The following CHD9 variants were observed in gnomAD, a reference collection of about 807,000 sequenced individuals.
CHD9 encodes the protein chromodomain helicase DNA binding protein 9, also known as ATP-dependent chromatin remodeler CHD9.
CHD9 carries 77 observed loss-of-function variants against 316.1 expected under a neutral mutation model. That is an observed-to-expected ratio of 0.24 (90% CI 0.20 to 0.29). The LOEUF (loss-of-function observed/expected upper bound fraction) is 0.29. CHD9 is among the 10% of genes least tolerant of loss of function. The pLI is 1.00. For missense variants in CHD9, 2,763 were observed against 3,438.1 expected, an observed-to-expected ratio of 0.80 and a Z score of 4.91; for synonymous variants, 1,129 against 1,158.3, an observed-to-expected ratio of 0.97 and a Z score of 0.51.
intron 2 of CHD9, among the ~76,000 whole-genome samples, chr16:53,208,905 A>T (rs1001029926): frequency 1.3e-4 from 20 of 152,138 alleles, no homozygotes; most frequent in Admixed American, 2.6e-4. Context: ...AAGAAAAAAA[A>T]TTTTCACATT....
intron 28 of CHD9, among the ~76,000 whole-genome samples, chr16:53,292,069 T>C (rs1436671125): frequency 2.0e-5 from 3 of 152,210 alleles, no homozygotes; most frequent in Admixed American, 2.0e-4. Flanking sequence ...TATATTCAAC[T>C]TCTTTTTCAT....
rs142613847 is a variant in CHD9, at chr16:53,082,200, T to TTTTATTTA, written c.-165+27166_-165+27173dup. On this transcript the variant is annotated intron_variant, in intron 1 of 38. Transcript: ENST00000447540. ...TAAGTATCTTAAGGACAGGAGAACA[T>TTTTATTTA]TTTATTTATTTATTTATTTATTTAT... 2.3e-3 allele frequency among the ~76,000 whole-genome samples: 327 copies of TTTTATTTA among 140,976 alleles called. 1 individual carries two copies. Among genetic ancestry groups the TTTTATTTA allele is most frequent in the African/African-American group, 4.9e-3 (186 of 37,652 alleles). The allele number at this position is 140,976 out of a possible 152,430, so 92.5% of individuals were successfully genotyped here.
Position 53,107,864 on chromosome 16 carries a change from T to A in CHD9, c.-164-48062T>A, listed in dbSNP as rs181804161. On this transcript the variant is annotated intron_variant, in intron 1 of 38. Coordinates refer to ENST00000447540, the MANE Select transcript of CHD9 (RefSeq NM_001308319.2). ...TTATCCCCTGAAGCTTATTTTCTAATGGAGAGAGAGTAAACAAAAAAATAA... is the reference window on the plus strand; with the variant it reads ...TTATCCCCTGAAGCTTATTTTCTAAAGGAGAGAGAGTAAACAAAAAAATAA... 7.6e-4 allele frequency among the ~76,000 whole-genome samples: 116 copies of A among 152,126 alleles called. 1 individual carries two copies. The highest frequency in any genetic ancestry group is 2.6e-3 in the African/African-American group (108 of 41,500).
chr16:53,174,353 T>C (rs2042966861), intron 2 of CHD9, among the ~76,000 whole-genome samples: 1 of 152,248 alleles, frequency 6.6e-6, no homozygotes, highest in Non-Finnish European at 1.5e-5. Flanking sequence ...ACCTTTCTAA[T>C]TTAATTCCAT....
At chr16:53,198,315 A>ATTTTT (rs34946383) in intron 2 of CHD9, among the ~76,000 whole-genome samples, 10 of 125,236 alleles carry the variant, frequency 8.0e-5, no homozygotes, top group Non-Finnish European at 1.2e-4. Context: ...TAAGCATTCA[A>ATTTTT]TTTTTTTTTT....
At chr16:53,129,432 C>A (rs1470913048) in intron 1 of CHD9, among the ~76,000 whole-genome samples, 2 of 152,234 alleles carry the variant, frequency 1.3e-5, no homozygotes, top group Non-Finnish European at 2.9e-5. Context: ...AAAGTTGGAA[C>A]TGTAACCGCC....
chr16:53,131,079 C>CGCTGCCACCCACCGCCCGCG (rs1442719495), intron 1 of CHD9: 1 of 156,652 alleles, frequency 6.4e-6, no homozygotes, highest in South Asian at 1.7e-4. Flanking sequence ...CCGCCGCCGC[C>CGCTGCCACCCACCGCCCGCG]GCTGCCACCC....
chr16:53,122,852 G>A (rs377609663), intron 1 of CHD9, among the ~76,000 whole-genome samples: 7 of 151,154 alleles, frequency 4.6e-5, no homozygotes, highest in East Asian at 1.9e-4. Context: ...GACTATAGGC[G>A]CCCGCTACCA....
intron 1 of CHD9, among the ~76,000 whole-genome samples, chr16:53,102,220 C>A (rs2036942562): frequency 6.6e-6 from 1 of 152,140 alleles, no homozygotes. Flanking sequence ...GGAGTCACTT[C>A]ACCTCTTTGG....
chr16:53,113,417 A>T (rs1014015094), intron 1 of CHD9, among the ~76,000 whole-genome samples: 1 of 144,778 alleles, frequency 6.9e-6, no homozygotes, highest in Non-Finnish European at 1.5e-5. Flanking sequence ...GGCTCAAGCA[A>T]TTCTCCTGCC....
chr16:53,322,584 C>T (rs1001499656), intron 38 of CHD9, among the ~76,000 whole-genome samples: 1 of 149,960 alleles, frequency 6.7e-6, no homozygotes, highest in Non-Finnish European at 1.5e-5. Flanking sequence ...AGAGGCAAGA[C>T]TCCATCTCAA....
intron 1 of CHD9, among the ~76,000 whole-genome samples, chr16:53,116,585 TGAG>T (rs1300914563): frequency 6.6e-6 from 1 of 152,166 alleles, no homozygotes; most frequent in Non-Finnish European, 1.5e-5. Flanking sequence ...CAGATGCTGG[TGAG>T]GCTGTGGAGA....
At chr16:53,204,393 A>C (rs2045728145) in intron 2 of CHD9, among the ~76,000 whole-genome samples, 1 of 152,216 alleles carries the variant, frequency 6.6e-6, no homozygotes, top group Admixed American at 6.5e-5. Context: ...CCCCACTCAG[A>C]TTTTAAAACC....
chr16:53,325,001 A>G lies in CHD9; in HGVS notation c.*106A>G, dbSNP rs2057493247. The G allele has an allele frequency of 1.1e-6, 1 of 941,348 alleles. No homozygotes were observed. The allele number at this position is 941,348 out of a possible 1,614,324, so 58.3% of individuals were successfully genotyped here. A position where few individuals can be genotyped will look rare whatever the true frequency, so the allele number is the denominator to read the frequency against. On this transcript the variant is annotated 3_prime_UTR_variant, in exon 39 of 39. Coordinates refer to ENST00000447540, the MANE Select transcript of CHD9 (RefSeq NM_001308319.2). ...TGCATCAATAACTTACTGACCGAAC[A>G]TTTCAGTTATTTGTTTAGAAGTGCA...
In CHD9 at chr16:53,304,415, G is replaced by C. The variant is rs375324681; in HGVS notation, c.6409G>C (p.Asp2137His). Reference protein sequence around the residue: ...GSESSSDSDSDSERSSCSSRS... With the variant: ...GSESSSDSDSHSERSSCSSRS... Reference sequence around the variant, plus strand: ...AGAATCTAGTTCTGATTCTGACTCAGATTCTGAGAGATCATCTTGTTCTTC... The same window carrying C: ...AGAATCTAGTTCTGATTCTGACTCACATTCTGAGAGATCATCTTGTTCTTC... The change falls in exon 31 of 39, where the codon GAT becomes CAT. Residue 2137 changes from aspartate (D) to histidine (H), a missense_variant. Coordinates refer to ENST00000447540, the MANE Select transcript of CHD9 (RefSeq NM_001308319.2). The C allele has an allele frequency of 1.9e-6, 3 of 1,604,938 alleles. No homozygotes were observed. Among genetic ancestry groups the C allele is most frequent in the African/African-American group, 2.7e-5 (2 of 74,762 alleles).
At chr16:53,100,380 G>A (rs1164425007) in intron 1 of CHD9, among the ~76,000 whole-genome samples, 1 of 151,364 alleles carries the variant, frequency 6.6e-6, no homozygotes, top group Non-Finnish European at 1.5e-5. Context: ...TATCACACCT[G>A]TAAAAAGCGA....
At position 53,303,815 on chromosome 16, in the gene CHD9, C is replaced by G. The variant is rs1299310859; in HGVS notation, c.5809C>G (p.Gln1937Glu). 2 of 1,614,014 alleles carry G rather than the reference C, an allele frequency of 1.2e-6. No homozygotes were observed. Among genetic ancestry groups the G allele is most frequent in the Non-Finnish European group, 1.7e-6 (2 of 1,179,896 alleles). ...TGAACTTCTAAGGAAAGTACGGGAA[C>G]AGGCCCTTCGACATCCACAGTTGTT... is the stretch of plus-strand genomic sequence containing the variant. Reference protein sequence around the residue: ...RIELLRKVREQALRHPQLFER... With the variant: ...RIELLRKVREEALRHPQLFER... The change falls in exon 31 of 39, where the codon CAG (glutamine) becomes GAG (glutamate). Residue 1937 changes from glutamine to glutamate, a missense_variant. By Grantham distance (29) the Gln-to-Glu change is conservative (BLOSUM62 2). Coordinates refer to ENST00000447540, the MANE Select transcript of CHD9 (RefSeq NM_001308319.2).
intron 1 of CHD9, among the ~76,000 whole-genome samples, chr16:53,105,140 G>C (rs915058227): frequency 2.0e-5 from 3 of 152,126 alleles, no homozygotes; most frequent in African/African-American, 7.2e-5. Flanking sequence ...ACCACGCGCA[G>C]CCTCTTTAAA....
chr16:53,304,616 C>G lies in CHD9; in HGVS notation c.6610C>G (p.Gln2204Glu). 6.5e-7 allele frequency: 1 copy of G among 1,544,204 alleles called. No individual in the cohort carries two copies. The highest frequency in any genetic ancestry group is 8.7e-7 in the Non-Finnish European group (1 of 1,143,658). The stretch of plus-strand genomic sequence containing the variant: ...AAGTGACAGTGATGAAGAAGAAGCC[C>G]AAAAACGAGGTACTATGCATAAAAT... ...EESDSDEEEA[Q>E]KRESTTHMKA... Residue 2204 changes from glutamine to glutamate, a missense_variant, in exon 31 of 39, where the codon CAA becomes GAA. By Grantham distance (29) the Gln-to-Glu change is conservative. This residue lies in a region of CHD9 where 663 missense variants were observed against 751.2 expected (regional missense o/e 0.88). Coordinates refer to ENST00000447540, the MANE Select transcript of CHD9 (RefSeq NM_001308319.2).
Sources: allele counts gnomAD v4.1 joint callset (sites outside exome capture counted in the v4.1 genomes callset), GRCh38; gene constraint gnomAD v4.1.1; regional missense constraint gnomAD v4.1.1; transcripts MANE v1.5; gene names NCBI Gene and HGNC (gene_info 2026-07-23, HGNC 2026-07-21).